FSTL5: variants seen among roughly 807,000 people sequenced by gnomAD.
FSTL5 encodes the protein follistatin-related protein 5.
Under a neutral mutation model 89.1 loss-of-function variants are expected in FSTL5, and 62 were observed. The ratio of observed to expected loss-of-function variants is 0.70; its 90% CI spans 0.57 to 0.86. The LOEUF is 0.86. Ranked by LOEUF, FSTL5 falls within the 40% of genes least tolerant of loss-of-function variation. The probability of loss-of-function intolerance (pLI) is 0.00; values close to 1 mark genes in which losing one functional copy is unlikely to be tolerated. For synonymous variants in FSTL5, 383 were observed against 346.2 expected (o/e 1.11, Z -1.18); for missense variants, 1,057 against 1,001.6 (o/e 1.06, Z -0.75).
intron 7 of FSTL5, among the ~76,000 whole-genome samples, chr4:161,608,244 T>A (rs1397274132): frequency 6.6e-6 from 1 of 152,138 alleles, no homozygotes; most frequent in Non-Finnish European, 1.5e-5. Context: ...AACTTGTATA[T>A]CAGCACATCT....
chr4:161,553,453 A>C (rs1284882842), intron 8 of FSTL5, among the ~76,000 whole-genome samples: 5 of 151,534 alleles, frequency 3.3e-5, no homozygotes, highest in Middle Eastern at 6.8e-3. Flanking sequence ...TTGAGTTTTA[A>C]GATAATAATA....
At chr4:161,859,667 G>C (rs763397953) in intron 4 of FSTL5, among the ~76,000 whole-genome samples, 1 of 152,122 alleles carries the variant, frequency 6.6e-6, no homozygotes, top group Admixed American at 6.6e-5. Flanking sequence ...AATAAAGAAG[G>C]CCTGTTCCTT....
At chr4:161,839,024 TAAAAC>T (rs1483202094) in intron 4 of FSTL5, among the ~76,000 whole-genome samples, 14 of 151,976 alleles carry the variant, frequency 9.2e-5, no homozygotes, top group Non-Finnish European at 1.0e-4. Context: ...ATAATGGAGA[TAAAAC>T]AAAATTTGTA....
chr4:162,090,856 C>T (rs979963949), intron 2 of FSTL5, among the ~76,000 whole-genome samples: 2 of 151,812 alleles, frequency 1.3e-5, no homozygotes, highest in African/African-American at 4.8e-5. Context: ...GTATTAAAAA[C>T]ATTTACCAAC....
intron 7 of FSTL5, among the ~76,000 whole-genome samples, chr4:161,631,037 A>G (rs1735486381): frequency 1.3e-5 from 2 of 152,216 alleles, no homozygotes; most frequent in Admixed American, 1.3e-4. Context: ...AACTCATTAT[A>G]TGCCATGTTA....
At chr4:161,463,157 A>G (rs1733637772) in intron 13 of FSTL5, among the ~76,000 whole-genome samples, 1 of 152,084 alleles carries the variant, frequency 6.6e-6, no homozygotes. Context: ...TATTTGGAGG[A>G]AAAAAATATC....
chr4:161,409,765 C>A (rs1027968874), intron 15 of FSTL5, among the ~76,000 whole-genome samples: 12 of 152,130 alleles, frequency 7.9e-5, no homozygotes, highest in African/African-American at 2.7e-4. Context: ...CCTGCTACCA[C>A]AAAAGCACAC....
intron 1 of FSTL5, among the ~76,000 whole-genome samples, chr4:162,127,163 T>A (rs1561033786): frequency 6.6e-6 from 1 of 152,132 alleles, no homozygotes; most frequent in Non-Finnish European, 1.5e-5. Flanking sequence ...GTCTTCCCCA[T>A]TTTCCCCAAA....
At chr4:161,502,567 A>G (rs10016813) in intron 11 of FSTL5, among the ~76,000 whole-genome samples, 2,598 of 152,026 alleles carry the variant, frequency 0.017, 67 homozygotes, top group African/African-American at 0.058. Context: ...ATTATAAAAT[A>G]AATGCCTATA....
intron 6 of FSTL5, among the ~76,000 whole-genome samples, chr4:161,663,946 C>T (rs1736800473): frequency 6.6e-6 from 1 of 152,196 alleles, no homozygotes; most frequent in South Asian, 2.1e-4. Context: ...ACTGCCAAGG[C>T]TTGTGGCTTC....
chr4:161,952,986 C>T (rs1734938268), intron 3 of FSTL5, among the ~76,000 whole-genome samples: 1 of 151,674 alleles, frequency 6.6e-6, no homozygotes, highest in South Asian at 2.1e-4. Flanking sequence ...TTACTACTGG[C>T]TCAAGGCTTG....
chr4:161,390,365 A>T (rs1268185417), intron 15 of FSTL5, among the ~76,000 whole-genome samples: 1 of 152,058 alleles, frequency 6.6e-6, no homozygotes, highest in African/African-American at 2.4e-5. Context: ...AATTCAGGAG[A>T]CTTGTAAGGG....
At chr4:162,026,978 T>G (rs911418715) in intron 3 of FSTL5, among the ~76,000 whole-genome samples, 3 of 152,134 alleles carry the variant, frequency 2.0e-5, no homozygotes, top group Non-Finnish European at 4.4e-5. Flanking sequence ...AATTTATTGG[T>G]GGTAACCTTT....
intron 15 of FSTL5, among the ~76,000 whole-genome samples, chr4:161,404,669 A>T (rs999903419): frequency 2.0e-5 from 3 of 151,672 alleles, no homozygotes; most frequent in Admixed American, 6.6e-5. Flanking sequence ...ACGTAACAAT[A>T]AAAAAAAATT....
intron 15 of FSTL5, among the ~76,000 whole-genome samples, chr4:161,403,312 T>C (rs536297641): frequency 6.6e-6 from 1 of 152,298 alleles, no homozygotes; most frequent in Non-Finnish European, 1.5e-5. Flanking sequence ...TTTGTGTGTG[T>C]GTGTGTTTGT....
chr4:161,761,662 T>C (rs1193979844), intron 5 of FSTL5, among the ~76,000 whole-genome samples: 2 of 152,240 alleles, frequency 1.3e-5, no homozygotes, highest in Non-Finnish European at 2.9e-5. Flanking sequence ...AAGACTAGTT[T>C]GATCTTGATT....
chr4:161,459,925 G>GT lies in FSTL5; in HGVS notation c.1609-607dup, dbSNP rs201066934. ...TGCACCATGCTTGGTATGAAAATGT[G>GT]TTTTTTTTGCTAATATTTATAATAA... On this transcript the variant is annotated intron_variant, in intron 13 of 15. Transcript: ENST00000306100. Among the ~76,000 whole-genome samples the GT allele has an allele frequency of 3.7e-3, 552 of 150,576 alleles. 4 individuals are homozygous for GT. The highest frequency in any genetic ancestry group is 0.011 in the African/African-American group (459 of 41,172).
intron 13 of FSTL5, among the ~76,000 whole-genome samples, chr4:161,473,795 C>T (rs1328219141): frequency 1.3e-5 from 2 of 152,128 alleles, no homozygotes; most frequent in East Asian, 1.9e-4. Context: ...TTTGGTTACT[C>T]AGTGCATGGA....
chr4:161,599,611 T>C (rs1260957135), intron 7 of FSTL5, among the ~76,000 whole-genome samples: 2 of 152,132 alleles, frequency 1.3e-5, no homozygotes, highest in African/African-American at 2.4e-5. Flanking sequence ...CCAAGTGTTT[T>C]AAATATATGC....
Sources: gnomAD v4.1 joint callset for allele counts (sites outside exome capture counted in the v4.1 genomes callset) on GRCh38, gnomAD v4.1.1 for gene constraint, MANE v1.5 for transcripts, NCBI Gene and HGNC (gene_info 2026-07-23, HGNC 2026-07-21) for gene names.